The following GABRE variants were observed in gnomAD, a reference collection of about 807,000 sequenced individuals.
GABRE encodes the protein gamma-aminobutyric acid type A receptor subunit epsilon.
In GABRE, 20 loss-of-function variants were observed where a neutral mutation model predicts 31.0. The ratio of observed to expected loss-of-function variants is 0.64; its 90% CI spans 0.45 to 0.94. The LOEUF (loss-of-function observed/expected upper bound fraction) is 0.94, where lower values mean the gene tolerates loss of function less well. GABRE is among the 40% of genes least tolerant of loss of function. GABRE has a pLI of 0.00. For synonymous variants in GABRE, 155 were observed against 150.6 expected, an observed-to-expected ratio of 1.03 and a Z score of -0.21; for missense variants, 420 against 410.7, an observed-to-expected ratio of 1.02 and a Z score of -0.20.
chrX:151,954,857 CT>C lies in GABRE; in HGVS notation c.1364del (p.Lys455SerfsTer36). On this transcript the variant is annotated frameshift_variant, in exon 9 of 9. Transcript: ENST00000370328. LOFTEE classifies it high-confidence loss of function. ...CACAATCGGGGACCATGCAGAAGTACTTCTTAAAACGCTTGCACCACTCACA... is the reference window on the plus strand; with the variant it reads ...CACAATCGGGGACCATGCAGAAGTACTCTTAAAACGCTTGCACCACTCACA... The part of the protein sequence containing the change: ...ACCEWCKRFK[K>X]YFCMVPDCEG... 8.3e-7 allele frequency: 1 copy of C among 1,211,865 alleles called. No homozygotes were observed. Among genetic ancestry groups the C allele is most frequent in the Non-Finnish European group, 1.1e-6 (1 of 895,542 alleles).
At chrX:151,961,062 G>T (rs1247969714) in intron 5 of GABRE, among the ~76,000 whole-genome samples, 1 of 111,445 alleles carries the variant, frequency 9.0e-6, no homozygotes. Flanking sequence ...GAGATGGAGA[G>T]GAGCAGACAT....
chrX:151,974,638 C>G lies in GABRE; in HGVS notation c.-13G>C, dbSNP rs1408424628. 1.7e-6 allele frequency: 2 copies of G among 1,159,678 alleles called. No homozygotes were observed. Among genetic ancestry groups the G allele is most frequent in the African/African-American group, 3.6e-5 (2 of 55,157 alleles). On this transcript the variant is annotated 5_prime_UTR_variant, in exon 1 of 9. Transcript: ENST00000370328. ...CTTTGGACAACATTTCCGCGGAGACCGGCGCGACCACCTGCGCGGAGGTCG... is the reference window on the plus strand; with the variant it reads ...CTTTGGACAACATTTCCGCGGAGACGGGCGCGACCACCTGCGCGGAGGTCG...
At chrX:151,969,530 TA>T in intron 3 of GABRE, 138 bp downstream of exon 3, 1 of 579,299 alleles carries the variant, frequency 1.7e-6, no homozygotes, top group Non-Finnish European at 2.5e-6. Flanking sequence ...AACCAGTGGT[TA>T]AAAAATCCCT....
intron 1 of GABRE, among the ~76,000 whole-genome samples, chrX:151,973,507 C>G (rs939130127): frequency 1.8e-5 from 2 of 111,252 alleles, no homozygotes; most frequent in African/African-American, 6.6e-5. Flanking sequence ...CTCTGATGAG[C>G]TAACGCAATC....
At chrX:151,956,060 A>G in intron 6 of GABRE, 200 bp from the exon 7 acceptor site, 1 of 426,373 alleles carries the variant, frequency 2.3e-6, no homozygotes, top group South Asian at 4.3e-5. Flanking sequence ...GCCAGTTGAG[A>G]GCTAAGCCAA....
rs758712737 is a variant in GABRE, at chrX:151,971,961, C to T, written c.57-1559G>A. ...TTTCCTGATCTAGGTGTTGGTTACA[C>T]GGGCCTGTTTACTTGTGAAAAGCCA... is the stretch of plus-strand genomic sequence containing the variant. On this transcript the variant is annotated intron_variant, in intron 1 of 8. Coordinates refer to ENST00000370328, the MANE Select transcript of GABRE (RefSeq NM_004961.4). The T allele has an allele frequency of 5.7e-4, 319 of 562,376 alleles. 1 individual carries two copies. The African/African-American group carries it at 7.7e-3, about 14-fold the overall frequency. 46.3% of individuals were successfully genotyped at this position (562,376 alleles called of 1,213,427 possible).
At chrX:151,971,400 T>C (rs188474735) in intron 1 of GABRE, 2 of 254,677 alleles carry the variant, frequency 7.9e-6, no homozygotes, top group East Asian at 2.3e-4. Context: ...AAGCAAACTC[T>C]TGAAAAACAA....
chrX:151,963,935 T>A (rs903334562), intron 3 of GABRE, among the ~76,000 whole-genome samples: 1 of 112,175 alleles, frequency 8.9e-6, no homozygotes, highest in African/African-American at 3.2e-5. Flanking sequence ...AAATGACATG[T>A]CTGTACACTA....
chrX:151,967,339 CA>C (rs1388191659), intron 3 of GABRE, among the ~76,000 whole-genome samples: 1 of 112,156 alleles, frequency 8.9e-6, no homozygotes, highest in Non-Finnish European at 1.9e-5. Context: ...AATAGCTATG[CA>C]AATTTCTGGG....
intron 2 of GABRE, 44 bp from the exon 3 acceptor site, chrX:151,969,780 C>A (rs149579078): frequency 5.0e-6 from 6 of 1,197,856 alleles, no homozygotes; most frequent in Non-Finnish European, 6.8e-6. Flanking sequence ...GTCAAACAGG[C>A]GCATGGGACG....
At chrX:151,970,474 C>T in intron 1 of GABRE, 72 bp from the exon 2 acceptor site, 1 of 1,110,450 alleles carries the variant, frequency 9.0e-7, no homozygotes, top group Admixed American at 3.1e-5. Context: ...CCTCTTGGGA[C>T]AGAAGCAAAC....
chrX:151,955,376 G>C lies in GABRE; in HGVS notation c.1129C>G (p.Leu377Val), dbSNP rs1934122954. 1 of 1,210,260 alleles carries C rather than the reference G, an allele frequency of 8.3e-7. No homozygotes were observed. Among genetic ancestry groups the C allele is most frequent in the African/African-American group, 1.7e-5 (1 of 57,238 alleles). The change falls in exon 8 of 9, where the codon CTC becomes GTC. Residue 377 changes from leucine to valine, a missense_variant. Physicochemically the swap from Leu to Val is conservative, Grantham distance 32 (BLOSUM62 1). Coordinates refer to ENST00000370328, the MANE Select transcript of GABRE (RefSeq NM_004961.4). ...CCATACCCAGCTCATACATGGCGGAGTTTAGGAGAAGCATGGGCTTTTGTC... is the reference window on the plus strand; with the variant it reads ...CCATACCCAGCTCATACATGGCGGACTTTAGGAGAAGCATGGGCTTTTGTC... ...NQTKAHASPK[L>V]RHPRINSRAH...
Position 151,961,109 on chromosome X carries a change from A to T in GABRE, c.646+174T>A, listed in dbSNP as rs1934354971. On this transcript the variant is annotated intron_variant, in intron 5 of 8. Coordinates refer to ENST00000370328, the MANE Select transcript of GABRE (RefSeq NM_004961.4). ...GCTTCAGAGGCACGTGGAAGGGATG[A>T]GCAACACAGTATTGTTGGCAGGAAA... The T allele has an allele frequency of 7.1e-5, 31 of 436,885 alleles. No homozygotes were observed. The South Asian group carries it at 1.1e-3, about 16-fold the overall frequency. 36.0% of individuals were successfully genotyped at this position (436,885 alleles called of 1,213,427 possible).
chrX:151,965,388 T>C (rs1934498423), intron 3 of GABRE, among the ~76,000 whole-genome samples: 1 of 111,395 alleles, frequency 9.0e-6, no homozygotes, highest in South Asian at 3.8e-4. Context: ...TGATATTGAA[T>C]AGGAAGAAGC....
chrX:151,965,783 G>A (rs1336391501), intron 3 of GABRE, among the ~76,000 whole-genome samples: 1 of 113,240 alleles, frequency 8.8e-6, no homozygotes, highest in African/African-American at 3.2e-5. Flanking sequence ...ACAAAAGATT[G>A]TAAAAGCAGC....
chrX:151,957,567 G>A lies in GABRE; in HGVS notation c.785-1707C>T, dbSNP rs1054793944. The stretch of plus-strand genomic sequence containing the variant: ...TTTATATAATATATTCTTGTTGCAC[G>A]AAGATTTATTATTCTGTTGGATGAT... On this transcript the variant is annotated intron_variant, in intron 6 of 8. Transcript: ENST00000370328. The A allele has an allele frequency of 5.8e-4, 171 of 292,546 alleles. 1 individual carries two copies. The highest frequency in any genetic ancestry group is 1.1e-3 in the East Asian group (10 of 9,498). The allele number at this position is 292,546 out of a possible 1,213,427, so 24.1% of individuals were successfully genotyped here. A position where few individuals can be genotyped will look rare whatever the true frequency, so the allele number is the denominator to read the frequency against.
rs1024803436 is a variant in GABRE, at chrX:151,955,020, T to C, written c.1202A>G (p.His401Arg). The C allele has an allele frequency of 2.5e-6, 3 of 1,203,687 alleles. No individual in the cohort carries two copies. In the African/African-American group the frequency reaches 5.3e-5, roughly 21 times the overall value. Residue 401 changes from histidine to arginine, a missense_variant, in exon 9 of 9, where the codon CAT (histidine) becomes CGT (arginine). Transcript: ENST00000370328. ...RARSRACARQ[H>R]QEAFVCQIVT... ...AATCTGGCACACAAAAGCTTCCTGA[T>C]GTTGGCGGGCACAGGCTCGGGAACG...
In GABRE at chrX:151,960,103, T is replaced by C. The variant is rs768085491; in HGVS notation, c.647-127A>G. 63 of 592,178 alleles carry C rather than the reference T, an allele frequency of 1.1e-4. No homozygotes were observed. The South Asian group carries it at 1.8e-3, about 17-fold the overall frequency. 48.8% of individuals were successfully genotyped at this position (592,178 alleles called of 1,213,427 possible). ...TCTGGCCTCACCAGCTGTGGGACCTTGCCTCTCTTACCTCATTGTTGAAGT... is the reference window on the plus strand; with the variant it reads ...TCTGGCCTCACCAGCTGTGGGACCTCGCCTCTCTTACCTCATTGTTGAAGT... On this transcript the variant is annotated intron_variant, in intron 5 of 8. Coordinates refer to ENST00000370328, the MANE Select transcript of GABRE (RefSeq NM_004961.4).
intron 1 of GABRE, chrX:151,972,421 C>T (rs1934737871): frequency 1.3e-6 from 1 of 751,607 alleles, no homozygotes; most frequent in Non-Finnish European, 1.6e-6. Context: ...GCCCTGAGAC[C>T]CTGTAAAATG....
Sources: gnomAD v4.1 joint callset for allele counts (sites outside exome capture counted in the v4.1 genomes callset) on GRCh38, gnomAD v4.1.1 for gene constraint, MANE v1.5 for transcripts, NCBI Gene and HGNC (gene_info 2026-07-23, HGNC 2026-07-21) for gene names.